SYNDIG1L: variants seen among roughly 807,000 people sequenced by gnomAD.
The protein encoded by SYNDIG1L is synapse differentiation-inducing gene protein 1-like.
SYNDIG1L carries 13 observed loss-of-function variants against 20.1 expected under a neutral mutation model. The ratio of observed to expected loss-of-function variants is 0.65; its 90% CI spans 0.42 to 1.03. The LOEUF (loss-of-function observed/expected upper bound fraction) is 1.03. Ranked by LOEUF, SYNDIG1L falls within the 50% of genes least tolerant of loss-of-function variation. The pLI, the probability that SYNDIG1L is intolerant of heterozygous loss-of-function variation, is 0.00. For synonymous variants in SYNDIG1L, 128 were observed against 129.3 expected, an observed-to-expected ratio of 0.99 and a Z score of 0.07; for missense variants, 294 against 305.1, an observed-to-expected ratio of 0.96 and a Z score of 0.27.
At chr14:74,439,998 A>G in the SYNDIG1L span, among the ~76,000 whole-genome samples, 1 of 152,114 alleles carries the variant, frequency 6.6e-6, no homozygotes. Context: ...TTAACTATGT[A>G]TTGTATATCC....
the SYNDIG1L span, among the ~76,000 whole-genome samples, chr14:74,436,608 G>C: frequency 1.3e-5 from 2 of 151,688 alleles, no homozygotes; most frequent in African/African-American, 4.8e-5. Context: ...CAGCACTTTG[G>C]GGGGCCGAGG....
the SYNDIG1L span, among the ~76,000 whole-genome samples, chr14:74,455,135 C>A: frequency 6.6e-6 from 1 of 152,214 alleles, no homozygotes; most frequent in Non-Finnish European, 1.5e-5. Context: ...AGCCTGCAGG[C>A]CTGTCCTGGA....
In SYNDIG1L at chr14:74,425,980, G is replaced by A. The variant is rs149305940; in HGVS notation, c.-126C>T. The A allele has an allele frequency of 0.027, 4,140 of 152,562 alleles. 77 individuals are homozygous for A. The highest frequency in any genetic ancestry group is 0.041 in the Middle Eastern group (12 of 290). The allele number at this position is 152,562 out of a possible 1,614,324, so 9.5% of individuals were successfully genotyped here. ...GGCTCGGCATGGGCCGGTGAGCGAC[G>A]GCGCCCCCGCCTCGCGGTCGCGGTG... is the stretch of plus-strand genomic sequence containing the variant. On this transcript the variant is annotated 5_prime_UTR_variant, in exon 1 of 4. Transcript: ENST00000331628.
Position 74,407,606 on chromosome 14 carries a change from C to T in SYNDIG1L, c.646G>A (p.Val216Met), listed in dbSNP as rs541607278. The T allele has an allele frequency of 9.7e-5, 156 of 1,614,144 alleles. No individual in the cohort carries two copies. In the East Asian group the frequency reaches 1.1e-3, roughly 12 times the overall value. Residue 216 changes from valine to methionine, a missense_variant, in exon 4 of 4, where the codon GTG (valine) becomes ATG (methionine). Transcript: ENST00000331628. ...ALFLATLAIA[V>M]GAGLYVAVVV... ...ACAGCCACGTAGAGACCGGCCCCCACGGCGATGGCGAGTGTGGCTAGGAAG... is the reference window on the plus strand; with the variant it reads ...ACAGCCACGTAGAGACCGGCCCCCATGGCGATGGCGAGTGTGGCTAGGAAG...
chr14:74,409,667 C>T lies in SYNDIG1L; in HGVS notation c.78G>A (p.Pro26=), dbSNP rs996725958. The T allele has an allele frequency of 3.3e-6, 5 of 1,496,072 alleles. No homozygotes were observed. Among genetic ancestry groups the T allele is most frequent in the East Asian group, 2.4e-5 (1 of 42,208 alleles). 92.7% of individuals were successfully genotyped at this position (1,496,072 alleles called of 1,614,324 possible). ...GGCAGGACCAGCTGGGTGGGGTCTC[C>T]GGGTAGGGATAGGGGCCATGGAGAT... ...PAHLHGPYPY[P]ETPPSWSCQE... Residue 26 remains proline (P), a synonymous_variant, in exon 2 of 4, where the codon CCG becomes CCA. Transcript: ENST00000331628.
At position 74,412,449 on chromosome 14, in the gene SYNDIG1L, T is replaced by C. The variant is rs2884546; in HGVS notation, c.-57-2648A>G. Among the ~76,000 whole-genome samples, 781 of 152,306 alleles carry C rather than the reference T, an allele frequency of 5.1e-3. 8 individuals are homozygous for C. Among genetic ancestry groups the C allele is most frequent in the African/African-American group, 0.018 (747 of 41,562 alleles). ...CCCCCATTAGCTTTTTGATGTGGCC[T>C]CTCAGTTTCCCCAGTGAGTGATTGT... On this transcript the variant is annotated intron_variant, in intron 1 of 3. Transcript: ENST00000331628.
the SYNDIG1L span, chr14:74,476,478 C>G: frequency 6.6e-7 from 1 of 1,513,784 alleles, no homozygotes; most frequent in Non-Finnish European, 8.9e-7. Context: ...GGGAGCCACA[C>G]TGACATGCCA....
At chr14:74,423,754 C>T (rs574934599) in intron 1 of SYNDIG1L, among the ~76,000 whole-genome samples, 1 of 152,140 alleles carries the variant, frequency 6.6e-6, no homozygotes, top group South Asian at 2.1e-4. Flanking sequence ...ATGGATATTT[C>T]CTGCTTGTCC....
the SYNDIG1L span, among the ~76,000 whole-genome samples, chr14:74,435,456 C>T: frequency 8.5e-5 from 13 of 152,186 alleles, no homozygotes; most frequent in South Asian, 2.7e-3. Context: ...GAAATGAGGC[C>T]CAGAGAGAAG....
At chr14:74,409,950 A>G (rs557149601) in intron 1 of SYNDIG1L, 149 bp from the exon 2 acceptor site, 8 of 532,174 alleles carry the variant, frequency 1.5e-5, no homozygotes, top group African/African-American at 1.4e-4. Flanking sequence ...TGGCTACTTC[A>G]CTTCTCAGGG....
At chr14:74,448,384 G>T in the SYNDIG1L span, among the ~76,000 whole-genome samples, 5 of 152,044 alleles carry the variant, frequency 3.3e-5, no homozygotes, top group African/African-American at 1.2e-4. Flanking sequence ...TCAGAGCAAA[G>T]AATATTACCA....
chr14:74,454,766 G>A, the SYNDIG1L span, among the ~76,000 whole-genome samples: 5 of 152,154 alleles, frequency 3.3e-5, no homozygotes, highest in African/African-American at 1.2e-4. Context: ...AGAACCATCC[G>A]ACCCTTCAGA....
the SYNDIG1L span, among the ~76,000 whole-genome samples, chr14:74,466,427 T>C: frequency 1.3e-5 from 2 of 152,170 alleles, no homozygotes; most frequent in Admixed American, 6.5e-5. Context: ...ACAGGGCCAA[T>C]TGGTCCATTG....
At chr14:74,455,813 G>A in the SYNDIG1L span, among the ~76,000 whole-genome samples, 372 of 152,082 alleles carry the variant, frequency 2.4e-3, 1 homozygote, top group Admixed American at 3.7e-3. Context: ...CTTCTTTACC[G>A]CAGTTCTGAC....
the SYNDIG1L span, among the ~76,000 whole-genome samples, chr14:74,458,230 C>T: frequency 0.014 from 2,168 of 152,200 alleles, 19 homozygotes; most frequent in Middle Eastern, 0.037. Flanking sequence ...GTCTGTATGT[C>T]AGGCTCTATG....
chr14:74,468,183 G>A, the SYNDIG1L span, among the ~76,000 whole-genome samples: 1 of 152,126 alleles, frequency 6.6e-6, no homozygotes, highest in South Asian at 2.1e-4. Flanking sequence ...TTCCTCCCTT[G>A]TCAGATGGAG....
Position 74,409,676 on chromosome 14 carries a change from A to AT in SYNDIG1L, c.68dup (p.Tyr23Ter). The AT allele has an allele frequency of 6.7e-7, 1 of 1,493,470 alleles. No individual in the cohort carries two copies. Among genetic ancestry groups the AT allele is most frequent in the Non-Finnish European group, 8.9e-7 (1 of 1,122,160 alleles). The allele number at this position is 1,493,470 out of a possible 1,614,324, so 92.5% of individuals were successfully genotyped here. ...PRSPAHLHGPYPYPETPPSWS... is the reference protein window; with the variant it reads ...PRSPAHLHGP ...AGCTGGGTGGGGTCTCCGGGTAGGG[A>AT]TAGGGGCCATGGAGATGGGCAGGGC... The change falls in exon 2 of 4, where the codon TAT becomes TAAT. Residue 23 changes from tyrosine (Y) to a stop codon, truncating the protein, a stop_gained and frameshift_variant. Coordinates refer to ENST00000331628, the MANE Select transcript of SYNDIG1L (RefSeq NM_001105579.2). LOFTEE classifies it high-confidence loss of function.
At chr14:74,414,244 G>A (rs983276615) in intron 1 of SYNDIG1L, among the ~76,000 whole-genome samples, 4 of 152,178 alleles carry the variant, frequency 2.6e-5, no homozygotes, top group Non-Finnish European at 4.4e-5. Flanking sequence ...ATGCATGCAC[G>A]CACACGTGTG....
chr14:74,418,251 C>T (rs764443754), intron 1 of SYNDIG1L, among the ~76,000 whole-genome samples: 1 of 152,204 alleles, frequency 6.6e-6, no homozygotes, highest in Non-Finnish European at 1.5e-5. Flanking sequence ...GAGTCATTAG[C>T]TGCAGCTTGC....
Sources: gnomAD v4.1 joint callset for allele counts (sites outside exome capture counted in the v4.1 genomes callset) on GRCh38, gnomAD v4.1.1 for gene constraint, MANE v1.5 for transcripts, NCBI Gene and HGNC (gene_info 2026-07-23, HGNC 2026-07-21) for gene names.